Variants in DSCAM observed in about 807,000 individuals in gnomAD.
DSCAM encodes the protein cell adhesion molecule DSCAM.
In DSCAM, 47 loss-of-function variants were observed where a neutral mutation model predicts 217.7. The observed-to-expected ratio is 0.22, with a 90% CI of 0.17 to 0.28. DSCAM has a LOEUF of 0.28. DSCAM is among the 10% of genes least tolerant of loss of function. The pLI is 1.00. For missense variants in DSCAM, 2,080 were observed against 2,618.3 expected (o/e 0.79, Z 4.49); for synonymous variants, 1,056 against 1,015.3 (o/e 1.04, Z -0.76).
intron 3 of DSCAM, among the ~76,000 whole-genome samples, chr21:40,380,626 ACTT>A (rs1156818949): frequency 6.6e-6 from 1 of 152,202 alleles, no homozygotes; most frequent in African/African-American, 2.4e-5. Context: ...GAGGACGTGC[ACTT>A]CAGCAGAGCC....
At chr21:40,481,935 T>C (rs969921235) in intron 3 of DSCAM, among the ~76,000 whole-genome samples, 1 of 152,184 alleles carries the variant, frequency 6.6e-6, no homozygotes, top group African/African-American at 2.4e-5. Context: ...GTGCACTGCT[T>C]ATTGATCCAA....
At chr21:40,282,590 C>CAAAAAAAAAAAAAAAAAAAAAAA (rs528248714) in intron 10 of DSCAM, among the ~76,000 whole-genome samples, 1 of 32,952 alleles carries the variant, frequency 3.0e-5, no homozygotes, top group African/African-American at 5.8e-5. Context: ...GACTCTGTCT[C>CAAAAAAAAAAAAAAAAAAAAAAA]AAAAAAAAAA....
intron 2 of DSCAM, among the ~76,000 whole-genome samples, chr21:40,703,542 CCACA>C (rs148454016): frequency 6.6e-6 from 1 of 150,676 alleles, no homozygotes; most frequent in Non-Finnish European, 1.5e-5. Context: ...ATACACACAT[CCACA>C]CACACACACA....
chr21:40,503,724 C>T (rs546232824), intron 3 of DSCAM, among the ~76,000 whole-genome samples: 1 of 152,310 alleles, frequency 6.6e-6, no homozygotes, highest in African/African-American at 2.4e-5. Flanking sequence ...TACCCAGGGT[C>T]CTATTTTCTC....
intron 3 of DSCAM, among the ~76,000 whole-genome samples, chr21:40,641,682 T>G (rs2146342152): frequency 6.6e-6 from 1 of 152,286 alleles, no homozygotes; most frequent in South Asian, 2.1e-4. Flanking sequence ...AGATAAGAAT[T>G]TATTTGACTC....
rs939102740 is a variant in DSCAM at position 40,033,685 on chromosome 21, G to A, written c.5686+8686C>T. ...GGTGGAGCCCACCACAGCTCAAGGA[G>A]GCCTGCCTGCCTGCCTCTGTAGGCT... On this transcript the variant is annotated intron_variant, in intron 32 of 32. Transcript: ENST00000400454. 2.7e-4 allele frequency among the ~76,000 whole-genome samples: 41 copies of A among 151,924 alleles called. 1 individual carries two copies. Among genetic ancestry groups the A allele is most frequent in the African/African-American group, 9.2e-4 (38 of 41,150 alleles).
chr21:40,334,762 C>T (rs1181089613), intron 8 of DSCAM, among the ~76,000 whole-genome samples: 1 of 152,178 alleles, frequency 6.6e-6, no homozygotes, highest in Non-Finnish European at 1.5e-5. Context: ...ATTCTCCTGT[C>T]TCAGCCTCTG....
intron 32 of DSCAM, among the ~76,000 whole-genome samples, chr21:40,041,814 G>C (rs2088756005): frequency 6.6e-6 from 1 of 152,086 alleles, no homozygotes; most frequent in Non-Finnish European, 1.5e-5. Flanking sequence ...GAAGCCCTCA[G>C]TGTGGCAGTT....
chr21:40,322,864 G>A (rs563962752), intron 8 of DSCAM, among the ~76,000 whole-genome samples: 2 of 152,238 alleles, frequency 1.3e-5, no homozygotes, highest in South Asian at 2.1e-4. Context: ...TTAGGAAAAG[G>A]TGTTTAAGAC....
intron 8 of DSCAM, among the ~76,000 whole-genome samples, chr21:40,319,451 G>T (rs952011523): frequency 6.6e-6 from 1 of 152,102 alleles, no homozygotes; most frequent in African/African-American, 2.4e-5. Context: ...GTGTGTGTGT[G>T]TATGTGTGTG....
intron 11 of DSCAM, among the ~76,000 whole-genome samples, chr21:40,241,532 A>G (rs957825573): frequency 2.6e-5 from 4 of 152,168 alleles, no homozygotes; most frequent in Non-Finnish European, 2.9e-5. Flanking sequence ...ACATTCATAC[A>G]CTGTTGGTGG....
At chr21:40,747,754 G>T (rs1018037399) in intron 1 of DSCAM, among the ~76,000 whole-genome samples, 1 of 127,234 alleles carries the variant, frequency 7.9e-6, no homozygotes, top group Non-Finnish European at 1.6e-5. Flanking sequence ...AATCAGAAAA[G>T]AATACAACAA....
At chr21:40,571,138 C>T (rs1317022290) in intron 3 of DSCAM, among the ~76,000 whole-genome samples, 1 of 150,740 alleles carries the variant, frequency 6.6e-6, no homozygotes, top group African/African-American at 2.4e-5. Context: ...AAAAAATAGC[C>T]CATGTTATAT....
intron 4 of DSCAM, among the ~76,000 whole-genome samples, chr21:40,367,980 C>T (rs1262338367): frequency 6.6e-6 from 1 of 152,102 alleles, no homozygotes; most frequent in Non-Finnish European, 1.5e-5. Context: ...AGTAAACTTG[C>T]CTTTCCAACC....
chr21:40,453,182 G>A (rs766475101), intron 3 of DSCAM, among the ~76,000 whole-genome samples: 3 of 151,784 alleles, frequency 2.0e-5, no homozygotes, highest in African/African-American at 7.3e-5. Flanking sequence ...CAAGCTTAAT[G>A]TATAACCTTT....
At position 40,085,355 on chromosome 21, in the gene DSCAM, G is replaced by A. The variant is rs1196640730; in HGVS notation, c.4132+247C>T. On this transcript the variant is annotated intron_variant, in intron 23 of 32. Coordinates refer to ENST00000400454, the MANE Select transcript of DSCAM (RefSeq NM_001389.5). ...TAGACATGTACACATAAAGAAAAAA[G>A]AGACTAGGCTTTCTGTATGCAAAGA... is the stretch of plus-strand genomic sequence containing the variant. Among the ~76,000 whole-genome samples, 3 of 152,282 alleles carry A rather than the reference G, an allele frequency of 2.0e-5. No homozygotes were observed. In the East Asian group the frequency reaches 5.8e-4, roughly 29 times the overall value.
rs536663653 is a variant in DSCAM, at chr21:40,416,699, G to A, written c.509-47454C>T. Among the ~76,000 whole-genome samples the A allele has an allele frequency of 4.4e-4, 67 of 152,194 alleles. 1 individual carries two copies. Among genetic ancestry groups the A allele is most frequent in the African/African-American group, 1.5e-3 (63 of 41,548 alleles). On this transcript the variant is annotated intron_variant, in intron 3 of 32. Transcript: ENST00000400454. ...AGTTGATAGAATTATTAAACTAAAA[G>A]AAAATAAGGATCCTATAATAAAAAC...
chr21:40,072,595 A>G lies in DSCAM; in HGVS notation c.4888+2442T>C, dbSNP rs944677174. Reference sequence around the variant, plus strand: ...GATCTCCTGACCTCGTGATCCGCCCACCTTGGCCTCCCAAAGTGCTAGGAT... The same window carrying G: ...GATCTCCTGACCTCGTGATCCGCCCGCCTTGGCCTCCCAAAGTGCTAGGAT... On this transcript the variant is annotated intron_variant, in intron 27 of 32. Transcript: ENST00000400454. Among the ~76,000 whole-genome samples, 24 of 151,968 alleles carry G rather than the reference A, an allele frequency of 1.6e-4. 1 individual carries two copies. The highest frequency in any genetic ancestry group is 3.4e-3 in the Middle Eastern group (1 of 294).
chr21:40,014,876 TTTCCTCTTC>T (rs1312982733), intron 32 of DSCAM, among the ~76,000 whole-genome samples: 13 of 152,240 alleles, frequency 8.5e-5, no homozygotes, highest in South Asian at 4.1e-4. Context: ...AATTCTCTGG[TTTCCTCTTC>T]GTCCTCTTCC....
Sources: allele counts gnomAD v4.1 joint callset (sites outside exome capture counted in the v4.1 genomes callset), GRCh38; gene constraint gnomAD v4.1.1; transcripts MANE v1.5; gene names NCBI Gene and HGNC (gene_info 2026-07-23, HGNC 2026-07-21).